ULK2: variants seen among roughly 807,000 people sequenced by gnomAD.
ULK2 encodes the protein serine/threonine-protein kinase ULK2.
ULK2 carries 76 observed loss-of-function variants against 127.5 expected under a neutral mutation model. The ratio of observed to expected loss-of-function variants is 0.60; its 90% CI spans 0.50 to 0.72. The LOEUF (loss-of-function observed/expected upper bound fraction) is 0.72. ULK2 is among the 30% of genes least tolerant of loss of function. ULK2 has a pLI of 0.00. For missense variants in ULK2, 1,144 were observed against 1,295.9 expected (o/e 0.88, Z 1.80); for synonymous variants, 452 against 461.9 (o/e 0.98, Z 0.28).
At chr17:19,809,664 T>C (rs1354433222) in intron 14 of ULK2, among the ~76,000 whole-genome samples, 9 of 131,688 alleles carry the variant, frequency 6.8e-5, no homozygotes, top group African/African-American at 2.1e-4. Flanking sequence ...ACCCGGCAGG[T>C]AGAAGTTGCA....
In ULK2 at chr17:19,846,953, C is replaced by A. The variant is rs2041898389; in HGVS notation, c.296-43G>T. 1.9e-6 allele frequency: 3 copies of A among 1,549,820 alleles called. No individual in the cohort carries two copies. In the South Asian group the frequency reaches 3.8e-5, roughly 19 times the overall value. Reference sequence around the variant, plus strand: ...ACGTAAATATTTAAGCACACAAAATCAAATACCATCTGCATATTCCATCAA... The same window carrying A: ...ACGTAAATATTTAAGCACACAAAATAAAATACCATCTGCATATTCCATCAA... On this transcript the variant is annotated intron_variant, in intron 5 of 26. Coordinates refer to ENST00000395544, the MANE Select transcript of ULK2 (RefSeq NM_014683.4).
At chr17:19,787,114 G>C (rs560502183) in intron 20 of ULK2, among the ~76,000 whole-genome samples, 1 of 151,574 alleles carries the variant, frequency 6.6e-6, no homozygotes, top group Non-Finnish European at 1.5e-5. Flanking sequence ...TCAGCCTCTC[G>C]AGTAGCTGGG....
chr17:19,857,182 C>T (rs1194390246), intron 3 of ULK2, among the ~76,000 whole-genome samples: 1 of 151,480 alleles, frequency 6.6e-6, no homozygotes, highest in African/African-American at 2.4e-5. Context: ...GGCGGGGCGC[C>T]TGTAATCCCA....
intron 4 of ULK2, 58 bp downstream of exon 4, chr17:19,849,684 T>TAA (rs11295844): frequency 7.9e-4 from 775 of 987,066 alleles, no homozygotes; most frequent in Non-Finnish European, 8.9e-4. Flanking sequence ...TGCTAGAATC[T>TAA]AAAAAAAAAA....
chr17:19,849,430 G>T, intron 4 of ULK2, 25 bp from the exon 5 acceptor site: 1 of 1,591,948 alleles, frequency 6.3e-7, no homozygotes, highest in South Asian at 1.1e-5. Flanking sequence ...AGAAAGTAAT[G>T]AAAATAAGGA....
intron 26 of ULK2, among the ~76,000 whole-genome samples, chr17:19,776,845 G>A (rs139506176): frequency 1.2e-3 from 190 of 152,248 alleles, no homozygotes; most frequent in African/African-American, 4.2e-3. Flanking sequence ...AAGCCCATGA[G>A]GCTTAAAACA....
chr17:19,783,249 G>C (rs186938561), intron 22 of ULK2, among the ~76,000 whole-genome samples: 1 of 151,948 alleles, frequency 6.6e-6, no homozygotes, highest in African/African-American at 2.4e-5. Flanking sequence ...TCAGGAGTTC[G>C]AGACCCGCCT....
Position 19,799,705 on chromosome 17 carries a change from C to T in ULK2, c.1442-130G>A, listed in dbSNP as rs1258068692. The T allele has an allele frequency of 1.7e-5, 14 of 808,128 alleles. No homozygotes were observed. In the South Asian group the frequency reaches 3.3e-4, roughly 19 times the overall value. 50.1% of individuals were successfully genotyped at this position (808,128 alleles called of 1,614,324 possible). A position where few individuals can be genotyped will look rare whatever the true frequency, so the allele number is the denominator to read the frequency against. ...TGGTTAGAAAATTTTAAGTAACAAA[C>T]GTTTAGTTCAACTAACATTTACTGG... On this transcript the variant is annotated intron_variant, in intron 16 of 26. Coordinates refer to ENST00000395544, the MANE Select transcript of ULK2 (RefSeq NM_014683.4).
intron 3 of ULK2, among the ~76,000 whole-genome samples, chr17:19,850,473 T>C (rs1295544831): frequency 6.6e-6 from 1 of 152,162 alleles, no homozygotes; most frequent in Admixed American, 6.6e-5. Flanking sequence ...TAACGATAAC[T>C]AAAATTTAGA....
chr17:19,787,870 C>A (rs2087068570), intron 20 of ULK2, among the ~76,000 whole-genome samples: 1 of 152,212 alleles, frequency 6.6e-6, no homozygotes, highest in Non-Finnish European at 1.5e-5. Flanking sequence ...CCCCTGGCAG[C>A]AGCTGTGTGT....
chr17:19,836,868 G>A (rs1229019348), intron 10 of ULK2, among the ~76,000 whole-genome samples: 6 of 152,150 alleles, frequency 3.9e-5, no homozygotes, highest in Non-Finnish European at 8.8e-5. Context: ...TCATGCCACT[G>A]CACTCCAGCC....
chr17:19,839,048 GAA>G (rs1167556637), intron 9 of ULK2, among the ~76,000 whole-genome samples: 1 of 151,330 alleles, frequency 6.6e-6, no homozygotes. Context: ...AAAAAAGAAG[GAA>G]AAAAAGCACT....
In ULK2 at chr17:19,838,628, T is replaced by C. The variant is rs374217676; in HGVS notation, c.705-45A>G. The C allele has an allele frequency of 6.3e-5, 96 of 1,522,408 alleles. No individual in the cohort carries two copies. The South Asian group carries it at 7.2e-4, about 11-fold the overall frequency. 94.3% of individuals were successfully genotyped at this position (1,522,408 alleles called of 1,614,324 possible). A position where few individuals can be genotyped will look rare whatever the true frequency, so the allele number is the denominator to read the frequency against. ...CAACCACCTAAGTGATAAGTTTATA[T>C]ACATAAACATTAACTTTTGCCTTCC... On this transcript the variant is annotated intron_variant, in intron 9 of 26. Coordinates refer to ENST00000395544, the MANE Select transcript of ULK2 (RefSeq NM_014683.4).
chr17:19,841,009 G>A (rs1020940479), intron 9 of ULK2, among the ~76,000 whole-genome samples: 17 of 152,182 alleles, frequency 1.1e-4, no homozygotes, highest in African/African-American at 4.1e-4. Flanking sequence ...GATGTAATTT[G>A]TCTTAAACTA....
At chr17:19,817,103 T>C (rs2041008972) in intron 12 of ULK2, among the ~76,000 whole-genome samples, 183 bp from the exon 13 acceptor site, 1 of 152,206 alleles carries the variant, frequency 6.6e-6, no homozygotes, top group Non-Finnish European at 1.5e-5. Flanking sequence ...TTTAAAAGTG[T>C]TTGCATAAAG....
intron 10 of ULK2, among the ~76,000 whole-genome samples, chr17:19,829,010 G>A (rs2041363357): frequency 6.6e-6 from 1 of 152,206 alleles, no homozygotes; most frequent in African/African-American, 2.4e-5. Flanking sequence ...AGAGGTTGCA[G>A]TGAGCTGAGA....
chr17:19,783,994 G>A (rs205090), intron 21 of ULK2, 89 bp from the exon 22 acceptor site: 1,111,030 of 1,182,532 alleles, frequency 0.94, 524,942 homozygotes, highest in Non-Finnish European at 0.96. Flanking sequence ...AACCTGCTGA[G>A]GTGACAAAGG....
At chr17:19,857,338 T>A (rs1033726914) in intron 3 of ULK2, among the ~76,000 whole-genome samples, 6 of 151,992 alleles carry the variant, frequency 3.9e-5, no homozygotes, top group Non-Finnish European at 7.4e-5. Flanking sequence ...GTTTTACATG[T>A]CCCTACTAGA....
intron 8 of ULK2, among the ~76,000 whole-genome samples, 189 bp downstream of exon 8, chr17:19,842,932 G>A (rs1028308018): frequency 6.6e-6 from 1 of 152,152 alleles, no homozygotes; most frequent in African/African-American, 2.4e-5. Flanking sequence ...ACAAAGGGCA[G>A]GCAGATAAAA....
Sources: allele counts gnomAD v4.1 joint callset (sites outside exome capture counted in the v4.1 genomes callset), GRCh38; gene constraint gnomAD v4.1.1; transcripts MANE v1.5; gene names NCBI Gene and HGNC (gene_info 2026-07-23, HGNC 2026-07-21).